Variants in KCTD7 observed in about 807,000 individuals in gnomAD.
KCTD7 encodes BTB/POZ domain-containing protein KCTD7.
In KCTD7, 15 loss-of-function variants were observed where a neutral mutation model predicts 27.0. The ratio of observed to expected loss-of-function variants is 0.56; its 90% confidence interval spans 0.37 to 0.86. The LOEUF (loss-of-function observed/expected upper bound fraction) is 0.86. Among genes scored for constraint, KCTD7 ranks in the 40% least tolerant of loss-of-function variants. The probability of loss-of-function intolerance (pLI) is 0.00; values close to 1 mark genes in which losing one functional copy is unlikely to be tolerated. For synonymous variants in KCTD7, 159 were observed against 162.7 expected (o/e 0.98, Z 0.17); for missense variants, 299 against 398.9 (o/e 0.75, Z 2.13).
chr7:66,637,525 T>C (rs767947500), intron 2 of KCTD7, among the ~76,000 whole-genome samples: 32 of 152,202 alleles, frequency 2.1e-4, no homozygotes, highest in Non-Finnish European at 4.0e-4. Context: ...ACATAATGAA[T>C]AATAACTAAT....
In KCTD7 at chr7:66,640,906, G is replaced by A; in HGVS notation, c.*1674G>A. 5.1e-6 allele frequency: 5 copies of A among 986,266 alleles called. No homozygotes were observed. Among genetic ancestry groups the A allele is most frequent in the Non-Finnish European group, 6.0e-6 (5 of 830,536 alleles). 61.1% of individuals were successfully genotyped at this position (986,266 alleles called of 1,614,324 possible). A position where few individuals can be genotyped will look rare whatever the true frequency, so the allele number is the denominator to read the frequency against. The stretch of plus-strand genomic sequence containing the variant: ...CAGACTTACAGGACCAGATAGACAA[G>A]ATGGGTATAAGGGGAGCTGAAGTCT... On this transcript the variant is annotated 3_prime_UTR_variant, in exon 4 of 4. Coordinates refer to ENST00000639828, the MANE Select transcript of KCTD7 (RefSeq NM_153033.5).
At position 66,642,079 on chromosome 7, in the gene KCTD7, C is replaced by T. The variant is rs1159418960; in HGVS notation, c.*2847C>T. The T allele has an allele frequency of 5.1e-6, 5 of 985,290 alleles. 1 individual carries two copies. The highest frequency in any genetic ancestry group is 3.5e-5 in the African/African-American group (2 of 57,236). The allele number at this position is 985,290 out of a possible 1,614,324, so 61.0% of individuals were successfully genotyped here. On this transcript the variant is annotated 3_prime_UTR_variant, in exon 4 of 4. Transcript: ENST00000639828. ...GTGAGTCAAAGCAAAGTGAAAGTTT[C>T]AGGAGATGGGACCAATGGTGCAATG...
chr7:66,638,387 A>G lies in KCTD7; in HGVS notation c.449A>G (p.Glu150Gly). The change falls in exon 3 of 4, where the codon GAG (glutamate) becomes GGG (glycine). Residue 150 changes from glutamate (E) to glycine (G), a missense_variant. Transcript: ENST00000639828. ...GAGAACATGCAGCCACTGAAGGGCG[A>G]GAAGGTGCGCCAAGCGTTTCTGGGA... ...QLENMQPLKG[E>G]KVRQAFLGLM... The G allele has an allele frequency of 6.2e-7, 1 of 1,614,194 alleles. No individual in the cohort carries two copies. The highest frequency in any genetic ancestry group is 1.7e-5 in the Admixed American group (1 of 60,020).
chr7:66,629,097 C>T lies in KCTD7; in HGVS notation c.33C>T (p.Ser11=). The T allele has an allele frequency of 5.2e-6, 8 of 1,536,554 alleles. No individual in the cohort carries two copies. The highest frequency in any genetic ancestry group is 7.0e-6 in the Non-Finnish European group (8 of 1,143,698). MVVVTGREPD[S]RRQDGAMSSS... is the part of the protein sequence containing the mutation. Reference sequence around the variant, plus strand: ...TAGTCACGGGGCGGGAGCCAGACAGCCGTCGTCAGGACGGTGCCATGTCCA... The same window carrying T: ...TAGTCACGGGGCGGGAGCCAGACAGTCGTCGTCAGGACGGTGCCATGTCCA... The change falls in exon 1 of 4, where the codon AGC becomes AGT. Residue 11 remains serine, a synonymous_variant. Transcript: ENST00000639828.
In KCTD7 at chr7:66,639,396, C is replaced by T; in HGVS notation, c.*164C>T. 6.6e-7 allele frequency: 1 copy of T among 1,511,848 alleles called. No homozygotes were observed. The allele number at this position is 1,511,848 out of a possible 1,614,324, so 93.7% of individuals were successfully genotyped here. On this transcript the variant is annotated 3_prime_UTR_variant, in exon 4 of 4. Coordinates refer to ENST00000639828, the MANE Select transcript of KCTD7 (RefSeq NM_153033.5). ...GGGGACAGAGGTGTAGCTCCAATCT[C>T]CCTGACTGCACCTCAGGGTTGGGCT...
At chr7:66,643,214 G>A (rs1684820351), downstream of KCTD7, 1 of 985,248 alleles carries the variant, frequency 1.0e-6, no homozygotes, top group Non-Finnish European at 1.2e-6. Flanking sequence ...TTTCTGCCCT[G>A]AAAGGGAGGT....
At position 66,642,389 on chromosome 7, in the gene KCTD7, A is replaced by G. The variant is rs1562651561; in HGVS notation, c.*3157A>G. 2 of 985,222 alleles carry G rather than the reference A, an allele frequency of 2.0e-6. No homozygotes were observed. Among genetic ancestry groups the G allele is most frequent in the Admixed American group, 6.1e-5 (1 of 16,264 alleles). 61.0% of individuals were successfully genotyped at this position (985,222 alleles called of 1,614,324 possible). A position where few individuals can be genotyped will look rare whatever the true frequency, so the allele number is the denominator to read the frequency against. ...TGGGAGCTGTCTGAGCCTTGTGCCT[A>G]AGGCTTATCAGGTGATATAATCTTC... On this transcript the variant is annotated 3_prime_UTR_variant, in exon 4 of 4. Coordinates refer to ENST00000639828, the MANE Select transcript of KCTD7 (RefSeq NM_153033.5).
intron 1 of KCTD7, among the ~76,000 whole-genome samples, chr7:66,632,148 GTAGATGCCAC>G (rs1786461555): frequency 1.3e-5 from 2 of 152,320 alleles, no homozygotes; most frequent in South Asian, 4.1e-4. Flanking sequence ...TCTAGAATGA[GTAGATGCCAC>G]TAAACTGTAT....
chr7:66,641,116 A>G lies in KCTD7; in HGVS notation c.*1884A>G. On this transcript the variant is annotated 3_prime_UTR_variant, in exon 4 of 4. Coordinates refer to ENST00000639828, the MANE Select transcript of KCTD7 (RefSeq NM_153033.5). ...ATACTGAGATCTAAGAGGAAAGGAT[A>G]GTCATTCACGTTCTGAGATATGCGC... The G allele has an allele frequency of 1.0e-6, 1 of 985,412 alleles. No homozygotes were observed. The highest frequency in any genetic ancestry group is 1.2e-6 in the Non-Finnish European group (1 of 829,928). The allele number at this position is 985,412 out of a possible 1,614,324, so 61.0% of individuals were successfully genotyped here.
chr7:66,643,117 A>T, downstream of KCTD7: 1 of 985,064 alleles, frequency 1.0e-6, no homozygotes, highest in East Asian at 1.1e-4. Flanking sequence ...TTTGCCAGCA[A>T]ATATTTTTTA....
rs1786744571 is a variant in KCTD7, at chr7:66,642,539, A to G, written c.*3307A>G. On this transcript the variant is annotated 3_prime_UTR_variant, in exon 4 of 4. Coordinates refer to ENST00000639828, the MANE Select transcript of KCTD7 (RefSeq NM_153033.5). The stretch of plus-strand genomic sequence containing the variant: ...CAGGTTAAAGCAAACAGCAATAACA[A>G]AACAAAAACTACTGATGCTGAGCGT... 1.0e-6 allele frequency: 1 copy of G among 985,456 alleles called. No individual in the cohort carries two copies. The highest frequency in any genetic ancestry group is 1.2e-6 in the Non-Finnish European group (1 of 829,934). The allele number at this position is 985,456 out of a possible 1,614,324, so 61.0% of individuals were successfully genotyped here.
At chr7:66,629,353 A>G (rs1258965247) in intron 1 of KCTD7, 145 bp downstream of exon 1, 1 of 490,258 alleles carries the variant, frequency 2.0e-6, no homozygotes, top group Admixed American at 6.4e-5. Context: ...GCCCACCTGC[A>G]ACTCCCCCGC....
chr7:66,641,282 C>G lies in KCTD7; in HGVS notation c.*2050C>G. ...TTTTGGTTCTTCTGATTGGTGTTAC[C>G]TACTGCCTAATATGTGTTCATTTTT... On this transcript the variant is annotated 3_prime_UTR_variant, in exon 4 of 4. Coordinates refer to ENST00000639828, the MANE Select transcript of KCTD7 (RefSeq NM_153033.5). The G allele has an allele frequency of 1.0e-6, 1 of 985,314 alleles. No individual in the cohort carries two copies. Among genetic ancestry groups the G allele is most frequent in the African/African-American group, 1.7e-5 (1 of 57,320 alleles). The allele number at this position is 985,314 out of a possible 1,614,324, so 61.0% of individuals were successfully genotyped here.
At chr7:66,632,885 A>T (rs529116975) in intron 1 of KCTD7, among the ~76,000 whole-genome samples, 129 of 149,536 alleles carry the variant, frequency 8.6e-4, no homozygotes, top group African/African-American at 3.0e-3. Context: ...CTACTAAAAA[A>T]ATATATATAT....
Position 66,641,319 on chromosome 7 carries a change from C to G in KCTD7, c.*2087C>G. The G allele has an allele frequency of 1.0e-6, 1 of 985,356 alleles. No individual in the cohort carries two copies. Among genetic ancestry groups the G allele is most frequent in the South Asian group, 4.7e-5 (1 of 21,288 alleles). 61.0% of individuals were successfully genotyped at this position (985,356 alleles called of 1,614,324 possible). On this transcript the variant is annotated 3_prime_UTR_variant, in exon 4 of 4. Coordinates refer to ENST00000639828, the MANE Select transcript of KCTD7 (RefSeq NM_153033.5). ...ATGTGTTCATTTTTTGACAGAGAGGCAGACTATTGAAAAAGTCTGTGTGAA... is the reference window on the plus strand; with the variant it reads ...ATGTGTTCATTTTTTGACAGAGAGGGAGACTATTGAAAAAGTCTGTGTGAA...
At chr7:66,637,363 C>T (rs914067290) in intron 2 of KCTD7, among the ~76,000 whole-genome samples, 5 of 152,046 alleles carry the variant, frequency 3.3e-5, no homozygotes, top group Admixed American at 6.5e-5. Flanking sequence ...TGGGATCACA[C>T]GTGTGAGCCA....
rs1307768997 is a variant in KCTD7, at chr7:66,639,274, C to T, written c.*42C>T. Reference sequence around the variant, plus strand: ...AGAGTCCCATCAGGGAGGATGTCCACCTTGCTTGGTGGCTCTGGGAGTAAG... The same window carrying T: ...AGAGTCCCATCAGGGAGGATGTCCATCTTGCTTGGTGGCTCTGGGAGTAAG... On this transcript the variant is annotated 3_prime_UTR_variant, in exon 4 of 4. Coordinates refer to ENST00000639828, the MANE Select transcript of KCTD7 (RefSeq NM_153033.5). 2.5e-6 allele frequency: 4 copies of T among 1,602,534 alleles called. No homozygotes were observed. The highest frequency in any genetic ancestry group is 8.5e-7 in the Non-Finnish European group (1 of 1,179,944).
Position 66,638,885 on chromosome 7 carries a change from C to T in KCTD7, c.523C>T (p.Arg175Trp), listed in dbSNP as rs568539835. ...CTTGGAGCGGATTGTGGAGATCGCC[C>T]GGCTGCGTGCGGTCCAGCGGAAGGC... ...DHLERIVEIARLRAVQRKARF... is the reference protein window; with the variant it reads ...DHLERIVEIAWLRAVQRKARF... The change falls in exon 4 of 4, where the codon CGG becomes TGG. Residue 175 changes from arginine (R) to tryptophan (W), a missense_variant. Coordinates refer to ENST00000639828, the MANE Select transcript of KCTD7 (RefSeq NM_153033.5). 22 of 1,613,978 alleles carry T rather than the reference C, an allele frequency of 1.4e-5. No homozygotes were observed. The highest frequency in any genetic ancestry group is 2.2e-5 in the East Asian group (1 of 44,864).
chr7:66,641,203 G>A lies in KCTD7; in HGVS notation c.*1971G>A, dbSNP rs1786706880. The A allele has an allele frequency of 1.0e-6, 1 of 985,374 alleles. No homozygotes were observed. Among genetic ancestry groups the A allele is most frequent in the African/African-American group, 1.7e-5 (1 of 57,322 alleles). 61.0% of individuals were successfully genotyped at this position (985,374 alleles called of 1,614,324 possible). A position where few individuals can be genotyped will look rare whatever the true frequency, so the allele number is the denominator to read the frequency against. On this transcript the variant is annotated 3_prime_UTR_variant, in exon 4 of 4. Transcript: ENST00000639828. ...TTTTCTGGAGCTGATGTCCCTGCTT[G>A]GAGGTTAGCCCCAAAACATGGCTCT...
Sources: gnomAD v4.1 joint callset for allele counts (sites outside exome capture counted in the v4.1 genomes callset) on GRCh38, gnomAD v4.1.1 for gene constraint, MANE v1.5 for transcripts, NCBI Gene and HGNC (gene_info 2026-07-23, HGNC 2026-07-21) for gene names.